BDP1: variants seen among roughly 807,000 people sequenced by gnomAD.
BDP1 encodes the protein transcription factor TFIIIB component B'' homolog.
BDP1 carries 169 observed loss-of-function variants against 266.6 expected under a neutral mutation model. The ratio of observed to expected loss-of-function variants is 0.63; its 90% CI spans 0.56 to 0.72. BDP1 has a LOEUF of 0.72. BDP1 is among the 30% of genes least tolerant of loss of function. The probability of loss-of-function intolerance (pLI) is 0.00; values close to 1 mark genes in which losing one functional copy is unlikely to be tolerated. For missense variants in BDP1, 3,015 were observed against 3,053.8 expected, an observed-to-expected ratio of 0.99 and a Z score of 0.30; for synonymous variants, 1,090 against 1,022.4, an observed-to-expected ratio of 1.07 and a Z score of -1.26.
intron 1 of BDP1, 76 bp from the exon 2 acceptor site, chr5:71,458,503 A>G (rs1761334899): frequency 3.6e-6 from 4 of 1,124,026 alleles, no homozygotes; most frequent in South Asian, 2.2e-5. Flanking sequence ...TTGGATTTTC[A>G]CCAGACTAGG....
intron 1 of BDP1, among the ~76,000 whole-genome samples, chr5:71,456,645 A>G (rs1362603316): frequency 6.6e-6 from 1 of 152,172 alleles, no homozygotes; most frequent in Admixed American, 6.5e-5. Flanking sequence ...CTTTTAGTCT[A>G]CAGGTAAACT....
chr5:71,563,088 T>G (rs1180256697), intron 38 of BDP1, among the ~76,000 whole-genome samples: 1 of 152,232 alleles, frequency 6.6e-6, no homozygotes, highest in Non-Finnish European at 1.5e-5. Context: ...TAGAATTATT[T>G]TCTGAGATCA....
intron 34 of BDP1, 53 bp downstream of exon 34, chr5:71,549,659 A>T (rs1379207601): frequency 1.4e-6 from 2 of 1,429,766 alleles, no homozygotes; most frequent in Non-Finnish European, 1.9e-6. Context: ...TTTATGAACT[A>T]AGTAGCATTG....
downstream of BDP1, among the ~76,000 whole-genome samples, chr5:71,572,404 G>A (rs545924799): frequency 6.6e-6 from 1 of 152,168 alleles, no homozygotes; most frequent in Non-Finnish European, 1.5e-5. Context: ...CAGGGGCTTC[G>A]AGGATGTGAA....
At chr5:71,492,751 G>A (rs1325808129) in intron 11 of BDP1, among the ~76,000 whole-genome samples, 3 of 152,074 alleles carry the variant, frequency 2.0e-5, no homozygotes, top group South Asian at 4.1e-4. Context: ...AGTCCCATTT[G>A]TCTAATTTTG....
chr5:71,467,056 CAT>C lies in BDP1; in HGVS notation c.786-297_786-296del, dbSNP rs559118575. Among the ~76,000 whole-genome samples, 756 of 152,242 alleles carry C rather than the reference CAT, an allele frequency of 5.0e-3. 10 individuals are homozygous for C. The highest frequency in any genetic ancestry group is 0.017 in the African/African-American group (722 of 41,572). On this transcript the variant is annotated intron_variant, in intron 5 of 38. Transcript: ENST00000358731. Reference sequence around the variant, plus strand: ...AGTAATACATATTGAATATCAAAGACATGTGCAAGTCAATAATACAAATACCG... The same window carrying C: ...AGTAATACATATTGAATATCAAAGACGTGCAAGTCAATAATACAAATACCG...
In BDP1 at chr5:71,559,290, G is replaced by C. The variant is rs1050480875; in HGVS notation, c.7241-692G>C. On this transcript the variant is annotated intron_variant, in intron 36 of 38. Transcript: ENST00000358731. The stretch of plus-strand genomic sequence containing the variant: ...GTTCTAAGATTGCTCCCATCCATCT[G>C]CTCTCCAATAAAAGCATTAAGCAAA... Among the ~76,000 whole-genome samples the C allele has an allele frequency of 5.8e-4, 89 of 152,294 alleles. 1 individual carries two copies. The highest frequency in any genetic ancestry group is 2.0e-3 in the African/African-American group (84 of 41,564).
intron 1 of BDP1, among the ~76,000 whole-genome samples, chr5:71,457,879 G>T (rs943088537): frequency 9.9e-5 from 15 of 152,120 alleles, no homozygotes; most frequent in African/African-American, 3.6e-4. Context: ...GACTTAAGTT[G>T]CATTTATAGA....
chr5:71,499,173 C>T (rs1339389453), intron 13 of BDP1, among the ~76,000 whole-genome samples: 1 of 152,214 alleles, frequency 6.6e-6, no homozygotes, highest in Non-Finnish European at 1.5e-5. Flanking sequence ...GATCTCGGCT[C>T]ACCGCAACCT....
chr5:71,481,474 T>A (rs951441242), intron 7 of BDP1, among the ~76,000 whole-genome samples: 4 of 150,938 alleles, frequency 2.7e-5, no homozygotes, highest in Non-Finnish European at 5.9e-5. Context: ...GGAGGATTGC[T>A]TGAGCCTGGG....
intron 4 of BDP1, among the ~76,000 whole-genome samples, chr5:71,465,259 ATATAAC>A (rs1403948500): frequency 1.3e-5 from 2 of 152,052 alleles, no homozygotes; most frequent in African/African-American, 2.4e-5. Context: ...AACTAATGCT[ATATAAC>A]TATAAGCATT....
intron 7 of BDP1, among the ~76,000 whole-genome samples, chr5:71,471,497 AAG>A (rs1016376334): frequency 3.9e-5 from 6 of 152,158 alleles, no homozygotes; most frequent in Admixed American, 6.5e-5. Context: ...GGAAAGCTTA[AAG>A]AGAAGAAATC....
At chr5:71,558,017 G>A (rs868025704) in intron 36 of BDP1, among the ~76,000 whole-genome samples, 1 of 152,076 alleles carries the variant, frequency 6.6e-6, no homozygotes, top group South Asian at 2.1e-4. Context: ...GACTAAAGCT[G>A]CCAGTCACAT....
In BDP1 at chr5:71,544,907, G is replaced by GAAA. The variant is rs1554125852; in HGVS notation, c.6564-132_6564-131insAAA. ...AAAAAAAAAAAAAAAAAAAAAAAAA[G>GAAA]TCCTATTGCATTAAATATGTTTTAA... is the stretch of plus-strand genomic sequence containing the variant. On this transcript the variant is annotated intron_variant, in intron 31 of 38. Coordinates refer to ENST00000358731, the MANE Select transcript of BDP1 (RefSeq NM_018429.3). 71 of 254,142 alleles carry GAAA rather than the reference G, an allele frequency of 2.8e-4. 1 individual carries two copies. The highest frequency in any genetic ancestry group is 6.9e-4 in the South Asian group (12 of 17,340). 15.7% of individuals were successfully genotyped at this position (254,142 alleles called of 1,614,324 possible).
At chr5:71,490,582 T>C (rs1763527369) in intron 10 of BDP1, among the ~76,000 whole-genome samples, 1 of 152,164 alleles carries the variant, frequency 6.6e-6, no homozygotes, top group African/African-American at 2.4e-5. Flanking sequence ...AAGTATTAAA[T>C]GAGATAATGC....
At chr5:71,490,956 T>C (rs1271695162) in intron 10 of BDP1, 28 bp from the exon 11 acceptor site, 1 of 1,565,108 alleles carries the variant, frequency 6.4e-7, no homozygotes, top group African/African-American at 1.4e-5. Context: ...TGTCATTTTT[T>C]AGAATAACAT....
intron 26 of BDP1, among the ~76,000 whole-genome samples, chr5:71,534,584 C>T (rs1427282563): frequency 1.3e-5 from 2 of 152,116 alleles, no homozygotes; most frequent in Non-Finnish European, 2.9e-5. Flanking sequence ...ACTGCAAGCT[C>T]CGCCTCCTGG....
chr5:71,487,163 TA>T (rs1763309053), intron 9 of BDP1, among the ~76,000 whole-genome samples: 2 of 152,212 alleles, frequency 1.3e-5, no homozygotes, highest in Non-Finnish European at 2.9e-5. Context: ...TATAATCACA[TA>T]AAGAAGACGC....
chr5:71,508,209 C>T (rs889216316), intron 16 of BDP1, among the ~76,000 whole-genome samples: 2 of 152,208 alleles, frequency 1.3e-5, no homozygotes. Context: ...AAGTGATCCA[C>T]CTGTCTCAGC....
Sources: gnomAD v4.1 joint callset for allele counts (sites outside exome capture counted in the v4.1 genomes callset) on GRCh38, gnomAD v4.1.1 for gene constraint, MANE v1.5 for transcripts, NCBI Gene and HGNC (gene_info 2026-07-23, HGNC 2026-07-21) for gene names.